The following NR3C2 variants were observed in gnomAD, a reference collection of about 807,000 sequenced individuals.
NR3C2 encodes nuclear receptor subfamily 3 group C member 2, also known as mineralocorticoid receptor.
A neutral mutation model predicts 86.4 loss-of-function variants in NR3C2; 15 were observed. That is an observed-to-expected ratio of 0.17 (90% CI 0.12 to 0.27). The LOEUF is 0.27. Ranked by LOEUF, NR3C2 falls within the 10% of genes least tolerant of loss-of-function variation. The pLI, the probability that NR3C2 is intolerant of heterozygous loss-of-function variation, is 1.00. For missense variants in NR3C2, 960 were observed against 1,195.6 expected (o/e 0.80, Z 2.91); for synonymous variants, 458 against 450.5 (o/e 1.02, Z -0.21).
rs1730441975 is a variant in NR3C2, at chr4:148,079,510, T to G, written c.*1834A>C. 1 of 152,686 alleles carries G rather than the reference T, an allele frequency of 6.5e-6. No homozygotes were observed. Among genetic ancestry groups the G allele is most frequent in the Non-Finnish European group, 1.5e-5 (1 of 68,046 alleles). The allele number at this position is 152,686 out of a possible 1,614,324, so 9.5% of individuals were successfully genotyped here. On this transcript the variant is annotated 3_prime_UTR_variant, in exon 9 of 9. Transcript: ENST00000358102. ...TTTAGATTTTGGAAAATAATTAATA[T>G]GATTTCACTGAGTAAACCTGATGAT... is the stretch of plus-strand genomic sequence containing the variant.
intron 4 of NR3C2, among the ~76,000 whole-genome samples, chr4:148,182,721 G>A (rs971331855): frequency 3.9e-5 from 6 of 152,228 alleles, no homozygotes; most frequent in Non-Finnish European, 8.8e-5. Context: ...GCCTACAGGG[G>A]ACCTGCTGAG....
intron 3 of NR3C2, among the ~76,000 whole-genome samples, chr4:148,234,177 T>C (rs1738615932): frequency 6.6e-6 from 1 of 152,180 alleles, no homozygotes; most frequent in Non-Finnish European, 1.5e-5. Flanking sequence ...CATCCTAACA[T>C]AAAGCTTTCT....
At chr4:148,374,931 C>T (rs1746597593) in intron 2 of NR3C2, among the ~76,000 whole-genome samples, 1 of 152,056 alleles carries the variant, frequency 6.6e-6, no homozygotes, top group Admixed American at 6.6e-5. Context: ...GACAAATATC[C>T]TTGTATTTAC....
intron 8 of NR3C2, among the ~76,000 whole-genome samples, chr4:148,110,972 C>G (rs371159284): frequency 6.6e-6 from 1 of 152,188 alleles, no homozygotes; most frequent in Non-Finnish European, 1.5e-5. Context: ...ACGACCCATA[C>G]AGAAAACAAT....
chr4:148,244,354 G>A (rs1739216353), intron 3 of NR3C2, among the ~76,000 whole-genome samples: 1 of 152,164 alleles, frequency 6.6e-6, no homozygotes, highest in Admixed American at 6.5e-5. Context: ...ATTTAAAATT[G>A]TTAACCGAAG....
In NR3C2 at chr4:148,083,693, C is replaced by T. The variant is rs191217640; in HGVS notation, c.2800-2194G>A. ...AAAACAGGATGGAGAATGAGTTTCA[C>T]GAATTGACAGAAGTAGGCTTCAGAA... On this transcript the variant is annotated intron_variant, in intron 8 of 8. Transcript: ENST00000358102. 3.0e-4 allele frequency among the ~76,000 whole-genome samples: 45 copies of T among 152,116 alleles called. 1 individual carries two copies. Among genetic ancestry groups the T allele is most frequent in the Admixed American group, 1.1e-3 (17 of 15,264 alleles).
intron 2 of NR3C2, among the ~76,000 whole-genome samples, chr4:148,284,655 C>G (rs1181450582): frequency 6.6e-6 from 1 of 152,150 alleles, no homozygotes; most frequent in Non-Finnish European, 1.5e-5. Context: ...GGATCTATGA[C>G]TTTGTATCTT....
chr4:148,360,458 G>A (rs972731108), intron 2 of NR3C2, among the ~76,000 whole-genome samples: 6 of 152,194 alleles, frequency 3.9e-5, no homozygotes, highest in Middle Eastern at 3.4e-3. Context: ...TGTATTAAAG[G>A]CTCTTACGGT....
intron 2 of NR3C2, among the ~76,000 whole-genome samples, chr4:148,352,386 A>ATCTG (rs1489407159): frequency 8.8e-5 from 12 of 136,466 alleles, no homozygotes; most frequent in Admixed American, 8.5e-4. Context: ...CTATCTATCT[A>ATCTG]TCTATCTATC....
chr4:148,161,599 G>A (rs977384951), intron 4 of NR3C2, among the ~76,000 whole-genome samples: 6 of 152,058 alleles, frequency 3.9e-5, no homozygotes, highest in Non-Finnish European at 7.4e-5. Context: ...CAGGTAATCC[G>A]TCTGCCTTGG....
At chr4:148,089,918 G>T (rs1487796004) in intron 8 of NR3C2, among the ~76,000 whole-genome samples, 1 of 152,210 alleles carries the variant, frequency 6.6e-6, no homozygotes, top group East Asian at 1.9e-4. Flanking sequence ...CTGTGAGGGG[G>T]ACTTTTTCCT....
chr4:148,199,699 G>A (rs1024783184), intron 3 of NR3C2, among the ~76,000 whole-genome samples: 1 of 152,178 alleles, frequency 6.6e-6, no homozygotes, highest in African/African-American at 2.4e-5. Context: ...TTTAACATAT[G>A]TTCCCAGACA....
chr4:148,217,692 C>T (rs956570744), intron 3 of NR3C2, among the ~76,000 whole-genome samples: 6 of 152,160 alleles, frequency 3.9e-5, no homozygotes, highest in African/African-American at 1.4e-4. Flanking sequence ...TTTTCTAACA[C>T]CAAATGTGGA....
At chr4:148,225,227 T>C (rs1323805653) in intron 3 of NR3C2, among the ~76,000 whole-genome samples, 1 of 152,164 alleles carries the variant, frequency 6.6e-6, no homozygotes, top group Non-Finnish European at 1.5e-5. Flanking sequence ...TTACCAAATC[T>C]GTATGGTTCT....
chr4:148,288,311 T>C (rs769841459), intron 2 of NR3C2, among the ~76,000 whole-genome samples: 1 of 152,258 alleles, frequency 6.6e-6, no homozygotes, highest in Non-Finnish European at 1.5e-5. Context: ...GCACAACTGA[T>C]AGATGCTCTG....
chr4:148,126,777 T>TAGAGA (rs1340799493), intron 6 of NR3C2, among the ~76,000 whole-genome samples: 1 of 152,246 alleles, frequency 6.6e-6, no homozygotes, highest in East Asian at 1.9e-4. Flanking sequence ...TCCATAGCTA[T>TAGAGA]CATTTATGGA....
chr4:148,289,904 A>T (rs1014883453), intron 2 of NR3C2, among the ~76,000 whole-genome samples: 1 of 152,150 alleles, frequency 6.6e-6, no homozygotes, highest in Non-Finnish European at 1.5e-5. Flanking sequence ...TCAGTTCAAC[A>T]GCCTGCAAAG....
At chr4:148,409,876 T>C (rs1748609853) in intron 2 of NR3C2, among the ~76,000 whole-genome samples, 1 of 152,124 alleles carries the variant, frequency 6.6e-6, no homozygotes, top group Non-Finnish European at 1.5e-5. Flanking sequence ...AAATATACTT[T>C]ATTTCTCTTC....
rs112890573 is a variant in NR3C2, at chr4:148,420,200, C to T, written c.1757+14904G>A. ...ATGAAAATAAAAGCCCAGAGTGACG[C>T]TGGCCAGAAAATATAACTGAATAAA... On this transcript the variant is annotated intron_variant, in intron 2 of 8. Coordinates refer to ENST00000358102, the MANE Select transcript of NR3C2 (RefSeq NM_000901.5). Among the ~76,000 whole-genome samples the T allele has an allele frequency of 2.7e-3, 411 of 152,268 alleles. 3 individuals are homozygous for T. Among genetic ancestry groups the T allele is most frequent in the African/African-American group, 9.2e-3 (384 of 41,552 alleles).
Sources: allele counts gnomAD v4.1 joint callset (sites outside exome capture counted in the v4.1 genomes callset), GRCh38; gene constraint gnomAD v4.1.1; transcripts MANE v1.5; gene names NCBI Gene and HGNC (gene_info 2026-07-23, HGNC 2026-07-21).